The following CPQ variants were observed in gnomAD, a reference collection of about 807,000 sequenced individuals.
CPQ encodes carboxypeptidase Q, also known as Ser-Met dipeptidase.
In CPQ, 37 loss-of-function variants were observed where a neutral mutation model predicts 45.7. That is an observed-to-expected ratio of 0.81 (90% confidence interval 0.62 to 1.07). The LOEUF (loss-of-function observed/expected upper bound fraction) is 1.07. CPQ is among the 50% of genes least tolerant of loss of function. The pLI is 0.00. For missense variants in CPQ, 537 were observed against 572.9 expected (o/e 0.94, Z 0.64); for synonymous variants, 186 against 205.8 (o/e 0.90, Z 0.82).
chr8:97,038,982 T>G (rs577950593), intron 6 of CPQ, among the ~76,000 whole-genome samples: 1 of 152,300 alleles, frequency 6.6e-6, no homozygotes, highest in African/African-American at 2.4e-5. Flanking sequence ...TTGTAGCACA[T>G]AGTGGAATTC....
At chr8:96,759,046 G>A (rs1563489751) in intron 1 of CPQ, among the ~76,000 whole-genome samples, 1 of 152,170 alleles carries the variant, frequency 6.6e-6, no homozygotes, top group Non-Finnish European at 1.5e-5. Context: ...TTTCTACGGA[G>A]AGCTTGGAAC....
chr8:96,673,566 A>G (rs1278541906), intron 1 of CPQ, among the ~76,000 whole-genome samples: 1 of 152,100 alleles, frequency 6.6e-6, no homozygotes, highest in East Asian at 1.9e-4. Flanking sequence ...CTTTTGTTAC[A>G]TGGGCTTGGA....
intron 1 of CPQ, among the ~76,000 whole-genome samples, chr8:96,714,034 A>C (rs947967507): frequency 6.6e-5 from 10 of 152,156 alleles, no homozygotes; most frequent in African/African-American, 2.2e-4. Context: ...TTCCTTTATA[A>C]GTTTTCTGAT....
intron 5 of CPQ, among the ~76,000 whole-genome samples, chr8:96,978,938 C>T (rs908525583): frequency 6.6e-6 from 1 of 151,790 alleles, no homozygotes; most frequent in Non-Finnish European, 1.5e-5. Flanking sequence ...TCATGTCAGG[C>T]AAATAATATG....
rs1260521605 is a variant in CPQ at position 96,785,329 on chromosome 8, A to G, written c.432A>G (p.Glu144=). Residue 144 remains glutamate, a splice_region_variant and synonymous_variant, in exon 2 of 8, where the codon GAA becomes GAG. Coordinates refer to ENST00000220763, the MANE Select transcript of CPQ (RefSeq NM_016134.4). ...GCAGCAGCATTGGGACTCCTCCAGA[A>G]GGTATTGTTTGTCTTTTCAGTTTGA... ...GLGSSIGTPP[E]GITAEVLVVT... 1 of 1,586,044 alleles carries G rather than the reference A, an allele frequency of 6.3e-7. No homozygotes were observed. Among genetic ancestry groups the G allele is most frequent in the African/African-American group, 1.4e-5 (1 of 73,544 alleles).
chr8:97,128,843 T>C (rs1260446270), intron 7 of CPQ, among the ~76,000 whole-genome samples: 1 of 152,192 alleles, frequency 6.6e-6, no homozygotes, highest in Non-Finnish European at 1.5e-5. Flanking sequence ...ATTAGGGATA[T>C]TATGAAGTGA....
rs1586552355 is a variant in CPQ, at chr8:97,123,105, AAAATAAAATAAAATAAAAT to A, written c.1256-19892_1256-19874del. ...ATAAATAAAATAAAATAAAATAAATAAAATAAAATAAAATAAAATAAATAAAATAAAATAAAATAAAATA... is the reference window on the plus strand; with the variant it reads ...ATAAATAAAATAAAATAAAATAAATAAAATAAAATAAAATAAAATAAAATA... On this transcript the variant is annotated intron_variant, in intron 7 of 7. Transcript: ENST00000220763. Among the ~76,000 whole-genome samples the A allele has an allele frequency of 4.3e-5, 4 of 92,918 alleles. 1 individual carries two copies. Among genetic ancestry groups the A allele is most frequent in the East Asian group, 4.7e-4 (1 of 2,112 alleles). 61.0% of individuals were successfully genotyped at this position (92,918 alleles called of 152,430 possible). A position where few individuals can be genotyped will look rare whatever the true frequency, so the allele number is the denominator to read the frequency against.
chr8:97,001,674 A>G (rs1319395124), intron 5 of CPQ, among the ~76,000 whole-genome samples: 1 of 143,632 alleles, frequency 7.0e-6, no homozygotes, highest in Non-Finnish European at 1.5e-5. Context: ...TTTTGCATCA[A>G]TGTTTATTAA....
chr8:96,715,801 A>G (rs955970539), intron 1 of CPQ, among the ~76,000 whole-genome samples: 1 of 152,204 alleles, frequency 6.6e-6, no homozygotes, highest in Non-Finnish European at 1.5e-5. Flanking sequence ...CTGCAGGAAT[A>G]GGAGTCCCTG....
chr8:96,646,397 C>T (rs1311549327), intron 1 of CPQ, among the ~76,000 whole-genome samples: 1 of 152,188 alleles, frequency 6.6e-6, no homozygotes, highest in African/African-American at 2.4e-5. Context: ...AAGGGTGACT[C>T]TGAAGGCAGA....
intron 1 of CPQ, among the ~76,000 whole-genome samples, chr8:96,696,679 A>C (rs985283013): frequency 6.6e-6 from 1 of 151,710 alleles, no homozygotes; most frequent in African/African-American, 2.4e-5. Flanking sequence ...AGAGATGAAA[A>C]GGAGACATTA....
chr8:96,797,817 C>A (rs187893218), intron 2 of CPQ, among the ~76,000 whole-genome samples: 2 of 151,884 alleles, frequency 1.3e-5, no homozygotes, highest in Admixed American at 1.3e-4. Flanking sequence ...TTTGGGAGGC[C>A]GAGGCAGGTG....
chr8:96,785,375 T>C (rs199929109), intron 2 of CPQ, 45 bp downstream of exon 2: 5 of 1,425,854 alleles, frequency 3.5e-6, no homozygotes, highest in East Asian at 4.6e-5. Context: ...ATAAAACTAA[T>C]GTCCCTTGGT....
At chr8:96,688,389 A>G (rs1220314855) in intron 1 of CPQ, among the ~76,000 whole-genome samples, 1 of 152,084 alleles carries the variant, frequency 6.6e-6, no homozygotes, top group Admixed American at 6.5e-5. Context: ...TTTGAGGCCC[A>G]CCTCATTTTT....
intron 4 of CPQ, among the ~76,000 whole-genome samples, chr8:96,965,148 A>G (rs928990825): frequency 1.3e-5 from 2 of 152,084 alleles, no homozygotes; most frequent in Non-Finnish European, 2.9e-5. Context: ...CCAGCTATTT[A>G]TTTATTCAAC....
chr8:97,101,303 T>A (rs1484699506), intron 7 of CPQ, among the ~76,000 whole-genome samples: 1 of 151,996 alleles, frequency 6.6e-6, no homozygotes, highest in African/African-American at 2.4e-5. Flanking sequence ...CATAGAGTAA[T>A]GATAGTTTGG....
intron 6 of CPQ, among the ~76,000 whole-genome samples, chr8:97,053,226 G>A (rs1810392054): frequency 6.6e-6 from 1 of 152,142 alleles, no homozygotes; most frequent in Admixed American, 6.5e-5. Context: ...CCTACTAAGT[G>A]CCAGGCAGTG....
chr8:96,947,225 A>G (rs1320119425), intron 4 of CPQ, among the ~76,000 whole-genome samples: 1 of 152,220 alleles, frequency 6.6e-6, no homozygotes, highest in Non-Finnish European at 1.5e-5. Flanking sequence ...GAACATGTAT[A>G]TATGCCATGT....
chr8:96,794,365 G>A (rs1477775244), intron 2 of CPQ, among the ~76,000 whole-genome samples: 1 of 152,158 alleles, frequency 6.6e-6, no homozygotes, highest in Non-Finnish European at 1.5e-5. Context: ...ATTCTACATT[G>A]GCCCCTTTCA....
Sources: gnomAD v4.1 joint callset for allele counts (sites outside exome capture counted in the v4.1 genomes callset) on GRCh38, gnomAD v4.1.1 for gene constraint, MANE v1.5 for transcripts, NCBI Gene and HGNC (gene_info 2026-07-23, HGNC 2026-07-21) for gene names.